EFCAB5: variants seen among roughly 807,000 people sequenced by gnomAD.
EFCAB5 encodes EF-hand calcium-binding domain-containing protein 5.
Under a neutral mutation model 167.9 loss-of-function variants are expected in EFCAB5, and 131 were observed. That is an observed-to-expected ratio of 0.78 (90% CI 0.68 to 0.90). The LOEUF is 0.90. Among genes scored for constraint, EFCAB5 ranks in the 40% least tolerant of loss-of-function variants. EFCAB5 has a pLI of 0.00. For missense variants in EFCAB5, 1,663 were observed against 1,745.2 expected (o/e 0.95, Z 0.84); for synonymous variants, 574 against 602.8 (o/e 0.95, Z 0.70).
chr17:30,003,376 C>T (rs2068706890), intron 7 of EFCAB5, among the ~76,000 whole-genome samples: 1 of 152,058 alleles, frequency 6.6e-6, no homozygotes, highest in African/African-American at 2.4e-5. Context: ...GCTGGGACCA[C>T]AGTCATGCAC....
chr17:30,090,270 G>C, intron 19 of EFCAB5, 151 bp from the exon 20 acceptor site: 1 of 980,862 alleles, frequency 1.0e-6, no homozygotes, highest in South Asian at 1.8e-5. Flanking sequence ...GTGAAATCAA[G>C]GGCTAGAATG....
intron 3 of EFCAB5, among the ~76,000 whole-genome samples, chr17:29,946,436 T>C (rs1472620417): frequency 1.5e-5 from 2 of 134,844 alleles, no homozygotes; most frequent in Admixed American, 7.3e-5. Flanking sequence ...TTTCTTTTTT[T>C]TTTTTTTTTT....
intron 2 of EFCAB5, 65 bp downstream of exon 2, chr17:29,942,367 T>C: frequency 7.2e-7 from 1 of 1,390,158 alleles, no homozygotes; most frequent in Non-Finnish European, 9.5e-7. Context: ...TCAATTTTCT[T>C]ATGATAAAAG....
At chr17:29,934,238 T>C (rs1394368041) in intron 1 of EFCAB5, among the ~76,000 whole-genome samples, 1 of 152,200 alleles carries the variant, frequency 6.6e-6, no homozygotes, top group African/African-American at 2.4e-5. Flanking sequence ...TACAAGTAGG[T>C]GATAAAAAAA....
chr17:30,004,959 T>C (rs2068745426), intron 7 of EFCAB5, among the ~76,000 whole-genome samples: 1 of 151,928 alleles, frequency 6.6e-6, no homozygotes, highest in Non-Finnish European at 1.5e-5. Flanking sequence ...GATTTGGACT[T>C]TCCAGCCTCT....
intron 8 of EFCAB5, among the ~76,000 whole-genome samples, chr17:30,045,372 C>T (rs2151761398): frequency 6.7e-6 from 1 of 148,522 alleles, no homozygotes; most frequent in African/African-American, 2.5e-5. Flanking sequence ...GCAGGAAAAT[C>T]GATTGAACCC....
intron 9 of EFCAB5, among the ~76,000 whole-genome samples, chr17:30,052,849 A>T (rs1363693363): frequency 2.0e-5 from 3 of 152,232 alleles, no homozygotes; most frequent in African/African-American, 7.2e-5. Flanking sequence ...ATGGATAAAG[A>T]CTTGCTTTTT....
chr17:29,955,413 G>A (rs565448901), intron 3 of EFCAB5, among the ~76,000 whole-genome samples: 24 of 152,228 alleles, frequency 1.6e-4, no homozygotes, highest in African/African-American at 4.6e-4. Context: ...TTTATAAAGG[G>A]GAGTTCCCCT....
At chr17:30,021,146 T>C (rs2069169057) in intron 7 of EFCAB5, among the ~76,000 whole-genome samples, 1 of 151,286 alleles carries the variant, frequency 6.6e-6, no homozygotes, top group African/African-American at 2.4e-5. Context: ...ATTTTTTTTT[T>C]TTTACTAGGA....
intron 4 of EFCAB5, among the ~76,000 whole-genome samples, chr17:29,983,482 C>G (rs1253785538): frequency 6.6e-6 from 1 of 152,222 alleles, no homozygotes; most frequent in Non-Finnish European, 1.5e-5. Context: ...ATGGGAGGAG[C>G]TGCAAAGTTA....
intron 14 of EFCAB5, among the ~76,000 whole-genome samples, chr17:30,071,787 A>G (rs550130441): frequency 1.1e-4 from 17 of 152,346 alleles, no homozygotes; most frequent in African/African-American, 3.8e-4. Flanking sequence ...AATTTGGTCT[A>G]TATATACAAT....
intron 3 of EFCAB5, among the ~76,000 whole-genome samples, chr17:29,949,177 T>C (rs1223184591): frequency 6.6e-6 from 1 of 152,188 alleles, no homozygotes; most frequent in East Asian, 1.9e-4. Context: ...TTTATGTCCT[T>C]AAATAGGCTT....
At chr17:29,970,637 G>GACACACAC (rs34545008) in intron 4 of EFCAB5, among the ~76,000 whole-genome samples, 42,888 of 138,446 alleles carry the variant, frequency 0.31, 7,529 homozygotes, top group East Asian at 0.56. Flanking sequence ...CTCAAAAACA[G>GACACACAC]ACACACACAC....
In EFCAB5 at chr17:30,080,243, T is replaced by G; in HGVS notation, c.3197+2T>G. The stretch of plus-strand genomic sequence containing the variant: ...CTACAGGGACATGAAAGGAATCAGG[T>G]AAGAACTTCTTGAAGAGATTGGTTT... On this transcript the variant is annotated splice_donor_variant, in intron 16 of 22. Coordinates refer to ENST00000394835, the MANE Select transcript of EFCAB5 (RefSeq NM_198529.4). LOFTEE classifies it high-confidence loss of function. 2 of 1,567,030 alleles carry G rather than the reference T, an allele frequency of 1.3e-6. No individual in the cohort carries two copies. Among genetic ancestry groups the G allele is most frequent in the African/African-American group, 1.4e-5 (1 of 72,628 alleles).
At chr17:30,027,548 G>T (rs1398838170) in intron 7 of EFCAB5, among the ~76,000 whole-genome samples, 1 of 151,948 alleles carries the variant, frequency 6.6e-6, no homozygotes, top group Non-Finnish European at 1.5e-5. Flanking sequence ...ATGTAAAGCA[G>T]GATATGATAC....
chr17:30,020,010 T>C (rs1022681869), intron 7 of EFCAB5, among the ~76,000 whole-genome samples: 2 of 152,218 alleles, frequency 1.3e-5, no homozygotes, highest in Non-Finnish European at 2.9e-5. Context: ...AGATTTTACA[T>C]ATGTGAGATC....
At chr17:30,081,722 T>C (rs767253192) in intron 17 of EFCAB5, among the ~76,000 whole-genome samples, 2 of 152,206 alleles carry the variant, frequency 1.3e-5, no homozygotes, top group Non-Finnish European at 2.9e-5. Context: ...CACTTTCTCT[T>C]CCCATTTATT....
At chr17:29,937,207 T>A (rs8075868), upstream of EFCAB5, among the ~76,000 whole-genome samples, 3,230 of 152,128 alleles carry the variant, frequency 0.021, 96 homozygotes, top group African/African-American at 0.069. Flanking sequence ...TTATTTATTT[T>A]TTTTTTGAGA....
At chr17:29,984,358 C>T (rs559524976) in intron 4 of EFCAB5, among the ~76,000 whole-genome samples, 20 of 151,510 alleles carry the variant, frequency 1.3e-4, no homozygotes, top group Non-Finnish European at 2.6e-4. Flanking sequence ...GGTAGCTGAC[C>T]GGTAGAGCTG....
Sources: allele counts gnomAD v4.1 joint callset (sites outside exome capture counted in the v4.1 genomes callset), GRCh38; gene constraint gnomAD v4.1.1; transcripts MANE v1.5; gene names NCBI Gene and HGNC (gene_info 2026-07-23, HGNC 2026-07-21).